The following FGF12 variants were observed in gnomAD, a reference collection of about 807,000 sequenced individuals.
FGF12 encodes fibroblast growth factor 12, also known as fibroblast growth factor 12B.
FGF12 carries 14 observed loss-of-function variants against 23.6 expected under a neutral mutation model. The observed-to-expected ratio is 0.59, with a 90% CI of 0.39 to 0.93. The LOEUF (loss-of-function observed/expected upper bound fraction) is 0.93, where lower values mean the gene tolerates loss of function less well. FGF12 is among the 40% of genes least tolerant of loss of function. The pLI is 0.00. For synonymous variants in FGF12, 62 were observed against 77.3 expected, an observed-to-expected ratio of 0.80 and a Z score of 1.04; for missense variants, 175 against 217.8, an observed-to-expected ratio of 0.80 and a Z score of 1.24.
chr3:192,655,946 T>C (rs1413434290), intron 2 of FGF12, among the ~76,000 whole-genome samples: 2 of 146,724 alleles, frequency 1.4e-5, no homozygotes, highest in African/African-American at 5.1e-5. Context: ...TGTTTGGGAC[T>C]GGAGGGGAAG....
chr3:192,245,183 A>G (rs1247475928), intron 4 of FGF12, among the ~76,000 whole-genome samples: 3 of 151,970 alleles, frequency 2.0e-5, no homozygotes, highest in South Asian at 2.1e-4. Flanking sequence ...GCAGCCTTGA[A>G]CTCCTGGGCT....
rs865802905 is a variant in FGF12 at position 192,415,736 on chromosome 3, A to T, written c.14-55198T>A. On this transcript the variant is annotated intron_variant, in intron 2 of 5. Transcript: ENST00000445105. ...TACTTCTCTTCTCTCTCTCTCTCACACACACACACACACACACACACACAC... is the reference window on the plus strand; with the variant it reads ...TACTTCTCTTCTCTCTCTCTCTCACTCACACACACACACACACACACACAC... 5.7e-3 allele frequency among the ~76,000 whole-genome samples: 812 copies of T among 143,504 alleles called. 6 individuals are homozygous for T. Among genetic ancestry groups the T allele is most frequent in the African/African-American group, 0.012 (461 of 36,952 alleles). 94.1% of individuals were successfully genotyped at this position (143,504 alleles called of 152,430 possible).
chr3:192,684,673 C>T (rs373131814), intron 2 of FGF12, among the ~76,000 whole-genome samples: 4 of 152,138 alleles, frequency 2.6e-5, no homozygotes, highest in South Asian at 2.1e-4. Flanking sequence ...GGTTTAAAAG[C>T]GTATTTTGAT....
chr3:192,476,962 T>A (rs1408619341), intron 2 of FGF12, among the ~76,000 whole-genome samples: 5 of 152,062 alleles, frequency 3.3e-5, no homozygotes, highest in Non-Finnish European at 5.9e-5. Flanking sequence ...CATTCTTAAG[T>A]TTGGATAATT....
At chr3:192,578,024 C>T (rs1367753932) in intron 2 of FGF12, among the ~76,000 whole-genome samples, 1 of 151,954 alleles carries the variant, frequency 6.6e-6, no homozygotes, top group Admixed American at 6.6e-5. Flanking sequence ...TTATGGTTGG[C>T]GGGGGGCAGG....
intron 2 of FGF12, among the ~76,000 whole-genome samples, chr3:192,652,101 T>A (rs1716233282): frequency 1.3e-5 from 2 of 152,202 alleles, no homozygotes; most frequent in South Asian, 2.1e-4. Flanking sequence ...TCCCTGCCCT[T>A]CTGGACTTCT....
intron 2 of FGF12, among the ~76,000 whole-genome samples, chr3:192,662,499 CA>C (rs1716708568): frequency 6.6e-6 from 1 of 152,154 alleles, no homozygotes; most frequent in Non-Finnish European, 1.5e-5. Context: ...GGTCAGTCTC[CA>C]ATACATTCAT....
intron 2 of FGF12, among the ~76,000 whole-genome samples, chr3:192,685,583 G>T (rs1717702320): frequency 1.3e-5 from 2 of 152,126 alleles, no homozygotes; most frequent in South Asian, 4.1e-4. Context: ...AGAGAGTAGT[G>T]GGGGCACATC....
At chr3:192,581,241 A>G (rs1713122203) in intron 2 of FGF12, among the ~76,000 whole-genome samples, 1 of 151,998 alleles carries the variant, frequency 6.6e-6, no homozygotes, top group Admixed American at 6.6e-5. Flanking sequence ...GAGAATTATA[A>G]GACTCAAAGC....
At chr3:192,320,186 G>A (rs973864211) in intron 4 of FGF12, among the ~76,000 whole-genome samples, 2 of 151,946 alleles carry the variant, frequency 1.3e-5, no homozygotes, top group Non-Finnish European at 2.9e-5. Context: ...CCAGAAAAGA[G>A]GAGTAGCTCT....
intron 4 of FGF12, among the ~76,000 whole-genome samples, chr3:192,297,962 G>C (rs559824110): frequency 6.6e-6 from 1 of 152,258 alleles, no homozygotes; most frequent in Non-Finnish European, 1.5e-5. Context: ...ATGGTAGAAT[G>C]TCTATATTTC....
rs930876277 is a variant in FGF12 at position 192,139,596 on chromosome 3, A to G, written c.*4413T>C. 6.6e-6 allele frequency: 1 copy of G among 152,080 alleles called. No individual in the cohort carries two copies. Among genetic ancestry groups the G allele is most frequent in the African/African-American group, 2.4e-5 (1 of 41,438 alleles). 9.4% of individuals were successfully genotyped at this position (152,080 alleles called of 1,614,324 possible). ...GTAAAATGAATGTCACTGTCTTTAAATTGTACTTGGAGCAAAGACAAAGAA... is the reference window on the plus strand; with the variant it reads ...GTAAAATGAATGTCACTGTCTTTAAGTTGTACTTGGAGCAAAGACAAAGAA... On this transcript the variant is annotated 3_prime_UTR_variant, in exon 6 of 6. Transcript: ENST00000445105.
chr3:192,407,301 A>G (rs994882780), intron 2 of FGF12, among the ~76,000 whole-genome samples: 1 of 152,206 alleles, frequency 6.6e-6, no homozygotes, highest in East Asian at 1.9e-4. Context: ...TTGTTCCCTC[A>G]ATGTCTCAAA....
Position 192,141,122 on chromosome 3 carries a change from C to A in FGF12, c.*2887G>T. 1 of 21,958 alleles carries A rather than the reference C, an allele frequency of 4.6e-5. No individual in the cohort carries two copies. The highest frequency in any genetic ancestry group is 8.8e-5 in the Non-Finnish European group (1 of 11,320). 1.4% of individuals were successfully genotyped at this position (21,958 alleles called of 1,614,324 possible). ...TTTTTTCCTGGGAAAAATCCCAATG[C>A]AACTCCAAAAAAAAAAAAAAAAAAA... On this transcript the variant is annotated 3_prime_UTR_variant, in exon 6 of 6. Transcript: ENST00000445105.
At chr3:192,371,687 G>A (rs946328819) in intron 2 of FGF12, among the ~76,000 whole-genome samples, 1 of 152,074 alleles carries the variant, frequency 6.6e-6, no homozygotes, top group Non-Finnish European at 1.5e-5. Context: ...CACTTTATGT[G>A]GATTATCTCT....
intron 2 of FGF12, among the ~76,000 whole-genome samples, chr3:192,656,950 T>A (rs1282219102): frequency 1.3e-5 from 2 of 152,186 alleles, no homozygotes; most frequent in Non-Finnish European, 2.9e-5. Flanking sequence ...CTACAGAACA[T>A]TACTGAGGGA....
chr3:192,636,227 A>C (rs1715577563), intron 2 of FGF12, among the ~76,000 whole-genome samples: 1 of 152,216 alleles, frequency 6.6e-6, no homozygotes, highest in South Asian at 2.1e-4. Context: ...TCAGTTCTGA[A>C]TATTTGGATA....
intron 2 of FGF12, among the ~76,000 whole-genome samples, chr3:192,719,387 T>C (rs6444656): frequency 0.059 from 8,984 of 152,292 alleles, 478 homozygotes; most frequent in East Asian, 0.19. Context: ...GTTATTGTTA[T>C]TGAGGGTCTT....
chr3:192,338,571 T>C (rs1717533929), intron 3 of FGF12, among the ~76,000 whole-genome samples: 1 of 152,084 alleles, frequency 6.6e-6, no homozygotes. Flanking sequence ...CTATTGCTGT[T>C]TGAATGGGGA....
Sources: gnomAD v4.1 joint callset for allele counts (sites outside exome capture counted in the v4.1 genomes callset) on GRCh38, gnomAD v4.1.1 for gene constraint, MANE v1.5 for transcripts, NCBI Gene and HGNC (gene_info 2026-07-23, HGNC 2026-07-21) for gene names.